TENM2: variants seen among roughly 807,000 people sequenced by gnomAD.
The protein encoded by TENM2 is teneurin transmembrane protein 2, also known as teneurin-2.
Under a neutral mutation model 245.2 loss-of-function variants are expected in TENM2, and 52 were observed. That is an observed-to-expected ratio of 0.21 (90% CI 0.17 to 0.27). TENM2 has a LOEUF of 0.27. TENM2 is among the 10% of genes least tolerant of loss of function. The pLI is 1.00. For synonymous variants in TENM2, 1,363 were observed against 1,438.9 expected (o/e 0.95, Z 1.19); for missense variants, 3,046 against 3,666.8 (o/e 0.83, Z 4.37).
intron 5 of TENM2, among the ~76,000 whole-genome samples, chr5:168,003,306 AACAC>A (rs70976455): frequency 2.3e-3 from 210 of 90,430 alleles, no homozygotes; most frequent in Middle Eastern, 5.1e-3. Flanking sequence ...TTTAAGAAAA[AACAC>A]ACACACACAC....
chr5:167,990,251 T>G (rs1228624038), intron 4 of TENM2, among the ~76,000 whole-genome samples: 2 of 152,198 alleles, frequency 1.3e-5, no homozygotes, highest in Non-Finnish European at 2.9e-5. Context: ...ATTTAGTGAC[T>G]TAGAGAACTC....
At chr5:167,443,535 A>G (rs1297304782) in intron 2 of TENM2, among the ~76,000 whole-genome samples, 1 of 151,688 alleles carries the variant, frequency 6.6e-6, no homozygotes, top group African/African-American at 2.4e-5. Context: ...TTTGATTGTT[A>G]ATAGCTATGT....
chr5:167,313,188 C>T (rs1203653589), intron 1 of TENM2, among the ~76,000 whole-genome samples: 2 of 152,066 alleles, frequency 1.3e-5, no homozygotes, highest in African/African-American at 4.8e-5. Context: ...CAAGTGCGAG[C>T]CACCGTGCCC....
chr5:167,207,484 T>C, the TENM2 span, among the ~76,000 whole-genome samples: 1 of 152,244 alleles, frequency 6.6e-6, no homozygotes, highest in Non-Finnish European at 1.5e-5. Flanking sequence ...GAATTCATTT[T>C]TTTAAAATGC....
chr5:167,400,395 G>A (rs923136727), intron 2 of TENM2, among the ~76,000 whole-genome samples: 3 of 152,006 alleles, frequency 2.0e-5, no homozygotes, highest in Non-Finnish European at 2.9e-5. Flanking sequence ...AGGATGACTA[G>A]GTTAGAGTAT....
chr5:167,663,680 T>A (rs991451952), intron 2 of TENM2, among the ~76,000 whole-genome samples: 2 of 152,202 alleles, frequency 1.3e-5, no homozygotes, highest in Non-Finnish European at 2.9e-5. Flanking sequence ...TATTTTCATT[T>A]TCTATTCCAT....
intron 2 of TENM2, among the ~76,000 whole-genome samples, chr5:167,414,198 A>C (rs564082550): frequency 6.6e-6 from 1 of 152,262 alleles, no homozygotes; most frequent in African/African-American, 2.4e-5. Context: ...TTTTTGTAGA[A>C]ATACACTTTA....
At chr5:167,234,132 T>C in the TENM2 span, among the ~76,000 whole-genome samples, 1 of 152,102 alleles carries the variant, frequency 6.6e-6, no homozygotes, top group Non-Finnish European at 1.5e-5. Flanking sequence ...GGAGACTGGT[T>C]CCCCCGAGTT....
the TENM2 span, among the ~76,000 whole-genome samples, chr5:167,150,372 C>T: frequency 1.3e-5 from 2 of 152,026 alleles, no homozygotes; most frequent in African/African-American, 4.8e-5. Context: ...TTATTATGGG[C>T]AAATAAAAGA....
At chr5:167,620,800 T>A (rs1778116444) in intron 2 of TENM2, among the ~76,000 whole-genome samples, 1 of 152,104 alleles carries the variant, frequency 6.6e-6, no homozygotes, top group Admixed American at 6.6e-5. Flanking sequence ...CTTTCATGTC[T>A]CAGGTTATTT....
chr5:167,643,488 A>G (rs1443026478), intron 2 of TENM2, among the ~76,000 whole-genome samples: 1 of 152,162 alleles, frequency 6.6e-6, no homozygotes, highest in African/African-American at 2.4e-5. Context: ...TAATATTCCA[A>G]CTGCTTCTGT....
At chr5:167,383,784 T>C (rs1279735380) in intron 2 of TENM2, among the ~76,000 whole-genome samples, 2 of 151,994 alleles carry the variant, frequency 1.3e-5, no homozygotes, top group Non-Finnish European at 2.9e-5. Context: ...TTTCCCTTGT[T>C]CTTTAAAATT....
chr5:168,140,536 G>A (rs1037283025), intron 12 of TENM2, among the ~76,000 whole-genome samples: 15 of 151,892 alleles, frequency 9.9e-5, no homozygotes, highest in African/African-American at 2.7e-4. Context: ...GTGTATACAC[G>A]TCTGTGTGCA....
rs555195019 is a variant in TENM2 at position 167,681,457 on chromosome 5, A to G, written c.503-194529A>G. On this transcript the variant is annotated intron_variant, in intron 2 of 28. Coordinates refer to ENST00000518659, the Ensembl canonical transcript of TENM2. ...TGTTATACCTATTTTATGTGATGTCATAAGCAATGATGGAATGAATAACTT... is the reference window on the plus strand; with the variant it reads ...TGTTATACCTATTTTATGTGATGTCGTAAGCAATGATGGAATGAATAACTT... Among the ~76,000 whole-genome samples, 15 of 152,292 alleles carry G rather than the reference A, an allele frequency of 9.8e-5. No individual in the cohort carries two copies. The South Asian group carries it at 3.1e-3, about 32-fold the overall frequency.
At chr5:167,868,020 C>T (rs1327589760) in intron 2 of TENM2, among the ~76,000 whole-genome samples, 1 of 152,120 alleles carries the variant, frequency 6.6e-6, no homozygotes. Context: ...TGCTTATAAA[C>T]TGGAAAAAAG....
In TENM2 at chr5:167,470,054, A is replaced by T. The variant is rs540179348; in HGVS notation, c.502+94581A>T. On this transcript the variant is annotated intron_variant, in intron 2 of 28. Transcript: ENST00000518659. Reference sequence around the variant, plus strand: ...AAAGTCCTTTTATATCCACAATAAAATGTTGCAATGATCAGCAAGCCTCAA... The same window carrying T: ...AAAGTCCTTTTATATCCACAATAAATTGTTGCAATGATCAGCAAGCCTCAA... Among the ~76,000 whole-genome samples the T allele has an allele frequency of 2.9e-3, 446 of 152,310 alleles. 1 individual carries two copies. The highest frequency in any genetic ancestry group is 0.01 in the African/African-American group (427 of 41,584).
intron 2 of TENM2, among the ~76,000 whole-genome samples, chr5:167,453,324 G>GA (rs1477408432): frequency 2.4e-4 from 37 of 151,948 alleles, no homozygotes; most frequent in Non-Finnish European, 2.9e-5. Flanking sequence ...TTTTATCTAA[G>GA]AAAACACATC....
intron 2 of TENM2, among the ~76,000 whole-genome samples, chr5:167,547,376 G>T (rs1018806856): frequency 1.3e-5 from 2 of 152,170 alleles, no homozygotes; most frequent in African/African-American, 2.4e-5. Flanking sequence ...CGGCCTTGGC[G>T]GTGGAATGTG....
At chr5:168,001,451 T>C (rs548915471) in intron 5 of TENM2, among the ~76,000 whole-genome samples, 1 of 152,338 alleles carries the variant, frequency 6.6e-6, no homozygotes, top group East Asian at 1.9e-4. Flanking sequence ...TCTAAAAGTC[T>C]GTTGGCTATT....
Sources: allele counts gnomAD v4.1 joint callset (sites outside exome capture counted in the v4.1 genomes callset), GRCh38; gene constraint gnomAD v4.1.1; transcripts MANE v1.5; gene names NCBI Gene and HGNC (gene_info 2026-07-23, HGNC 2026-07-21).